Variants in MAU2 observed in about 807,000 individuals in gnomAD.
MAU2 encodes the protein MAU2 sister chromatid cohesion factor, also known as MAU2 chromatid cohesion factor homolog.
MAU2 carries 9 observed loss-of-function variants against 89.1 expected under a neutral mutation model. The observed-to-expected ratio is 0.10, with a 90% CI of 0.06 to 0.18. The LOEUF (loss-of-function observed/expected upper bound fraction) is 0.18, where lower values mean the gene tolerates loss of function less well. Ranked by LOEUF, MAU2 falls within the 10% of genes least tolerant of loss-of-function variation. MAU2 has a pLI of 1.00. For synonymous variants in MAU2, 357 were observed against 343.4 expected, an observed-to-expected ratio of 1.04 and a Z score of -0.44; for missense variants, 425 against 803.5, an observed-to-expected ratio of 0.53 and a Z score of 5.69.
chr19:19,354,602 C>T, intron 17 of MAU2, 157 bp downstream of exon 17: 1 of 660,828 alleles, frequency 1.5e-6, no homozygotes, highest in East Asian at 2.7e-5. Flanking sequence ...TCAGGAGACC[C>T]TGGTTGAGGG....
intron 1 of MAU2, among the ~76,000 whole-genome samples, chr19:19,327,400 A>G (rs1483872499): frequency 1.3e-5 from 2 of 151,772 alleles, no homozygotes. Context: ...ATCTCGGCTC[A>G]CTGCAAGCTC....
intron 12 of MAU2, among the ~76,000 whole-genome samples, chr19:19,346,013 G>C (rs2146696746): frequency 6.6e-6 from 1 of 152,278 alleles, no homozygotes; most frequent in African/African-American, 2.4e-5. Flanking sequence ...CTGAGGAGAG[G>C]TGTCAGGGAG....
chr19:19,331,480 C>G (rs564011639), intron 1 of MAU2, among the ~76,000 whole-genome samples: 2 of 145,676 alleles, frequency 1.4e-5, no homozygotes, highest in Non-Finnish European at 3.0e-5. Flanking sequence ...CCAGCCTGGG[C>G]GACAGAGTGC....
intron 5 of MAU2, among the ~76,000 whole-genome samples, chr19:19,339,149 C>CA (rs1436862222): frequency 6.6e-6 from 1 of 152,114 alleles, no homozygotes; most frequent in Non-Finnish European, 1.5e-5. Flanking sequence ...CCCATCTCCA[C>CA]AAAAAATACA....
In MAU2 at chr19:19,321,197, G is replaced by A. The variant is rs1240513140; in HGVS notation, c.276+62G>A. ...GCTCCTTGCAAGATCTGGGCTGACG[G>A]GTCGCGACCGCGGCGGGTGGGGGGC... On this transcript the variant is annotated intron_variant, in intron 1 of 18. Coordinates refer to ENST00000262815, the MANE Select transcript of MAU2 (RefSeq NM_015329.4). The A allele has an allele frequency of 4.2e-6, 6 of 1,436,896 alleles. No homozygotes were observed. The African/African-American group carries it at 4.4e-5, about 11-fold the overall frequency. The allele number at this position is 1,436,896 out of a possible 1,614,324, so 89.0% of individuals were successfully genotyped here.
At chr19:19,352,798 C>T (rs1029763941) in intron 16 of MAU2, 1 of 152,288 alleles carries the variant, frequency 6.6e-6, no homozygotes, top group Non-Finnish European at 1.5e-5. Flanking sequence ...GGGAATCCCC[C>T]TCTGCTCCCT....
chr19:19,333,434 T>G (rs1304116018), intron 1 of MAU2, among the ~76,000 whole-genome samples: 1 of 152,116 alleles, frequency 6.6e-6, no homozygotes, highest in Non-Finnish European at 1.5e-5. Context: ...TGCAGTGAGC[T>G]CTGATTGTAC....
chr19:19,340,752 G>A (rs2061638045), intron 5 of MAU2, 94 bp from the exon 6 acceptor site: 3 of 1,307,056 alleles, frequency 2.3e-6, no homozygotes, highest in African/African-American at 1.4e-5. Flanking sequence ...CCCCTGAGGT[G>A]GCATATTAGG....
rs192329016 is a variant in MAU2, at chr19:19,342,971, G to A, written c.973+105G>A. 455 of 1,214,760 alleles carry A rather than the reference G, an allele frequency of 3.7e-4. 4 individuals are homozygous for A. The highest frequency in any genetic ancestry group is 2.3e-3 in the South Asian group (191 of 81,740). 75.2% of individuals were successfully genotyped at this position (1,214,760 alleles called of 1,614,324 possible). A position where few individuals can be genotyped will look rare whatever the true frequency, so the allele number is the denominator to read the frequency against. On this transcript the variant is annotated intron_variant, in intron 9 of 18. Coordinates refer to ENST00000262815, the MANE Select transcript of MAU2 (RefSeq NM_015329.4). ...CCCAGTGACCCTGTGTGACCGCAGC[G>A]CCCAGCCACCCTGCCTGGTGGGTCT...
intron 16 of MAU2, among the ~76,000 whole-genome samples, chr19:19,351,837 A>ATTTTTTTT (rs35932608): frequency 1.7e-5 from 1 of 58,952 alleles, no homozygotes; most frequent in Non-Finnish European, 3.0e-5. Context: ...CTGTTTGGTA[A>ATTTTTTTT]TTTTTTTTTT....
chr19:19,346,885 A>AC (rs1347825328), intron 12 of MAU2: 1 of 169,152 alleles, frequency 5.9e-6, no homozygotes, highest in Non-Finnish European at 1.3e-5. Context: ...ATGAAGAGTG[A>AC]CCCCCGCCTA....
intron 1 of MAU2, chr19:19,334,725 C>A: frequency 2.1e-6 from 1 of 467,972 alleles, no homozygotes; most frequent in Non-Finnish European, 2.8e-6. Flanking sequence ...GCTTCAGCCT[C>A]ACCTCCCTGG....
At chr19:19,326,707 T>G (rs1599889072) in intron 1 of MAU2, among the ~76,000 whole-genome samples, 1 of 119,186 alleles carries the variant, frequency 8.4e-6, no homozygotes, top group African/African-American at 3.0e-5. Context: ...TATATGTATA[T>G]ATATATATAT....
intron 7 of MAU2, among the ~76,000 whole-genome samples, chr19:19,342,192 C>T (rs924783819): frequency 6.6e-6 from 1 of 152,152 alleles, no homozygotes; most frequent in Admixed American, 6.5e-5. Flanking sequence ...CTCCCACCCC[C>T]TCAGAGCACA....
intron 13 of MAU2, 173 bp downstream of exon 13, chr19:19,347,539 T>C: frequency 3.4e-6 from 2 of 587,074 alleles, no homozygotes; most frequent in Non-Finnish European, 6.2e-6. Flanking sequence ...TGAATCGGGC[T>C]ATGGCCGGGG....
chr19:19,323,255 C>G (rs181558739), intron 1 of MAU2, among the ~76,000 whole-genome samples: 1 of 150,912 alleles, frequency 6.6e-6, no homozygotes, highest in Non-Finnish European at 1.5e-5. Flanking sequence ...AGTGCAGTGG[C>G]GCGGTCTTGG....
chr19:19,323,455 A>G (rs1319916462), intron 1 of MAU2, among the ~76,000 whole-genome samples: 3 of 152,070 alleles, frequency 2.0e-5, no homozygotes, highest in Non-Finnish European at 4.4e-5. Context: ...TGTCCTCCCA[A>G]AGTGCTAGGA....
chr19:19,354,546 C>A, intron 17 of MAU2, 101 bp downstream of exon 17: 1 of 1,025,116 alleles, frequency 9.8e-7, no homozygotes, highest in South Asian at 1.3e-5. Flanking sequence ...CGGACTAGGC[C>A]TCCGTGGGCC....
At position 19,342,565 on chromosome 19, in the gene MAU2, C is replaced by T. The variant is rs1406877300; in HGVS notation, c.766C>T (p.Leu256=). 6 of 1,605,990 alleles carry T rather than the reference C, an allele frequency of 3.7e-6. No individual in the cohort carries two copies. In the South Asian group the frequency reaches 6.7e-5, roughly 18 times the overall value. Residue 256 remains leucine (L), a synonymous_variant, in exon 8 of 19, where the codon CTG becomes TTG. Transcript: ENST00000262815. ...GAGCGTGAAGCCGTGTCTGAAGCAGCTGCAGCAGTGCATCCAGACCATCTC... is the reference window on the plus strand; with the variant it reads ...GAGCGTGAAGCCGTGTCTGAAGCAGTTGCAGCAGTGCATCCAGACCATCTC... ...VKSVKPCLKQ[L]QQCIQTISTL...
Sources: allele counts gnomAD v4.1 joint callset (sites outside exome capture counted in the v4.1 genomes callset), GRCh38; gene constraint gnomAD v4.1.1; transcripts MANE v1.5; gene names NCBI Gene and HGNC (gene_info 2026-07-23, HGNC 2026-07-21).